Variants in ANK3 observed in about 807,000 individuals in gnomAD.
The protein encoded by ANK3 is ankyrin 3.
In ANK3, 57 loss-of-function variants were observed where a neutral mutation model predicts 370.9. The observed-to-expected ratio is 0.15, with a 90% CI of 0.12 to 0.19. The LOEUF (loss-of-function observed/expected upper bound fraction) is 0.19, where lower values mean the gene tolerates loss of function less well. Ranked by LOEUF, ANK3 falls within the 10% of genes least tolerant of loss-of-function variation. The pLI is 1.00. For synonymous variants in ANK3, 1,929 were observed against 1,946.3 expected (o/e 0.99, Z 0.23); for missense variants, 4,439 against 5,302.1 (o/e 0.84, Z 5.06).
rs1464161452 is a variant in ANK3 at position 60,072,829 on chromosome 10, G to A, written c.8052C>T (p.Asp2684=). ...CTTTGGCTTCCACTGTGGACTTGCT[G>A]TCCTCAGTCTGTTGGGAGAGAACCA... ...EKMVLSQQTE[D]SKSTVEAKGS... is the part of the protein sequence containing the mutation. Residue 2684 remains aspartate (D), a synonymous_variant, in exon 37 of 44, where the codon GAC becomes GAT. Coordinates refer to ENST00000280772, the MANE Select transcript of ANK3 (RefSeq NM_020987.5). The A allele has an allele frequency of 2.5e-6, 4 of 1,613,980 alleles. No individual in the cohort carries two copies. The highest frequency in any genetic ancestry group is 3.4e-6 in the Non-Finnish European group (4 of 1,180,004).
At chr10:60,637,954 A>G (rs2078577898) in intron 1 of ANK3, among the ~76,000 whole-genome samples, 1 of 152,156 alleles carries the variant, frequency 6.6e-6, no homozygotes, top group Admixed American at 6.6e-5. Context: ...TCATTTTGCC[A>G]CACCCTCAAT....
At chr10:60,156,589 C>T (rs2095335262) in intron 23 of ANK3, among the ~76,000 whole-genome samples, 1 of 152,186 alleles carries the variant, frequency 6.6e-6, no homozygotes, top group South Asian at 2.1e-4. Flanking sequence ...CAGAGACTGA[C>T]TTCCTTTGCC....
chr10:60,518,643 C>T (rs897222818), intron 2 of ANK3, among the ~76,000 whole-genome samples: 3 of 152,128 alleles, frequency 2.0e-5, no homozygotes, highest in Admixed American at 6.6e-5. Context: ...TTCTTTATCA[C>T]TTTCCCCTCC....
Position 60,059,345 on chromosome 10 carries a change from A to G in ANK3, c.12681T>C (p.Asp4227=), listed in dbSNP as rs990046859. ...TTTTTTTGAAACAGCCATACCTGTC[A>G]TCCAGTCGATCTAGTAACCCACCAG... ...RVTGGLLDRL[D]DSPDQCRDSI... The change falls in exon 41 of 44, where the codon GAT becomes GAC. Residue 4227 remains aspartate (D), a synonymous_variant. Transcript: ENST00000280772. 1 of 1,613,912 alleles carries G rather than the reference A, an allele frequency of 6.2e-7. No individual in the cohort carries two copies.
At chr10:60,549,723 CA>C (rs2077047945) in intron 2 of ANK3, among the ~76,000 whole-genome samples, 1 of 151,998 alleles carries the variant, frequency 6.6e-6, no homozygotes, top group Non-Finnish European at 1.5e-5. Flanking sequence ...ATATCAAATC[CA>C]AATATGAATA....
Position 60,026,353 on chromosome 10 carries a change from A to C in ANK3, c.*3493T>G, listed in dbSNP as rs533516304. The C allele has an allele frequency of 2.6e-5, 4 of 152,352 alleles. No homozygotes were observed. Among genetic ancestry groups the C allele is most frequent in the Middle Eastern group, 3.4e-3 (1 of 294 alleles). 9.4% of individuals were successfully genotyped at this position (152,352 alleles called of 1,614,324 possible). A position where few individuals can be genotyped will look rare whatever the true frequency, so the allele number is the denominator to read the frequency against. On this transcript the variant is annotated 3_prime_UTR_variant, in exon 44 of 44. Transcript: ENST00000280772. ...CTGGACAATTTGATCAATTCATGAA[A>C]CAGAAGCAGTGTGATATGCCTGGGA...
intron 2 of ANK3, among the ~76,000 whole-genome samples, chr10:60,549,184 T>G (rs2133229504): frequency 6.6e-6 from 1 of 151,526 alleles, no homozygotes; most frequent in African/African-American, 2.4e-5. Context: ...CATACCATCA[T>G]GTTGACCAGG....
chr10:60,242,951 A>C (rs2097491730), intron 7 of ANK3, among the ~76,000 whole-genome samples: 1 of 152,178 alleles, frequency 6.6e-6, no homozygotes, highest in Non-Finnish European at 1.5e-5. Flanking sequence ...CCCCAAGTTC[A>C]TATTTTTTTC....
At chr10:60,288,981 A>G (rs1473285943) in intron 1 of ANK3, among the ~76,000 whole-genome samples, 2 of 151,760 alleles carry the variant, frequency 1.3e-5, no homozygotes, top group East Asian at 3.9e-4. Flanking sequence ...GTTTTGATCA[A>G]TGCTGCTCAA....
At chr10:60,181,075 G>A (rs1453952382) in intron 18 of ANK3, among the ~76,000 whole-genome samples, 1 of 152,174 alleles carries the variant, frequency 6.6e-6, no homozygotes, top group Non-Finnish European at 1.5e-5. Flanking sequence ...TTTGTTGTAA[G>A]GAGGCTCAAC....
intron 1 of ANK3, among the ~76,000 whole-genome samples, chr10:60,301,218 T>G (rs957242624): frequency 1.1e-4 from 16 of 147,394 alleles, no homozygotes; most frequent in Non-Finnish European, 1.5e-5. Flanking sequence ...TATATATGTA[T>G]GTATGTATAT....
intron 39 of ANK3, 42 bp from the exon 40 acceptor site, chr10:60,063,296 G>A (rs755275078): frequency 6.2e-5 from 97 of 1,565,546 alleles, no homozygotes; most frequent in Non-Finnish European, 7.4e-5. Flanking sequence ...ATTAAATTAT[G>A]TTCTTTCAGT....
chr10:60,302,649 C>A (rs112834703), intron 1 of ANK3, among the ~76,000 whole-genome samples: 2,992 of 152,146 alleles, frequency 0.02, 105 homozygotes, highest in African/African-American at 0.069. Context: ...AAAGATAAGG[C>A]CACACGCTGG....
rs117488843 is a variant in ANK3, at chr10:60,305,005, T to C, written c.115-25366A>G. On this transcript the variant is annotated intron_variant, in intron 1 of 43. Coordinates refer to ENST00000280772, the MANE Select transcript of ANK3 (RefSeq NM_020987.5). Reference sequence around the variant, plus strand: ...AGTCCTCTCTGGAAAATAGCAAATCTGATCTGCCTGTGGCAGGCACAGTGG... The same window carrying C: ...AGTCCTCTCTGGAAAATAGCAAATCCGATCTGCCTGTGGCAGGCACAGTGG... 1.2e-3 allele frequency among the ~76,000 whole-genome samples: 183 copies of C among 152,294 alleles called. 4 individuals carry two copies. The East Asian group carries it at 0.033, about 28-fold the overall frequency.
chr10:60,576,024 T>C (rs1403729109), intron 2 of ANK3, among the ~76,000 whole-genome samples: 1 of 152,176 alleles, frequency 6.6e-6, no homozygotes, highest in Non-Finnish European at 1.5e-5. Context: ...TCAAAAATGT[T>C]AAATGTTAAC....
chr10:60,293,543 G>T (rs1474051989), intron 1 of ANK3, among the ~76,000 whole-genome samples: 1 of 152,090 alleles, frequency 6.6e-6, no homozygotes, highest in East Asian at 1.9e-4. Flanking sequence ...TGCTTAACTA[G>T]CTAGAGAAAG....
intron 2 of ANK3, among the ~76,000 whole-genome samples, chr10:60,590,431 T>C (rs2077893284): frequency 6.6e-6 from 1 of 152,200 alleles, no homozygotes; most frequent in Non-Finnish European, 1.5e-5. Context: ...TATGAGGCTA[T>C]TTGGGAACTA....
In ANK3 at chr10:60,649,663, G is replaced by A. The variant is rs544395417; in HGVS notation, c.58-34439C>T. ...TAAACTACAATCTACTGAGCCCTAG[G>A]AGGCCCCTGAAGGTGCCTTAGGAGA... On this transcript the variant is annotated intron_variant, in intron 1 of 43. Coordinates refer to the ANK3 transcript ENST00000373827. Among the ~76,000 whole-genome samples, 39 of 152,316 alleles carry A rather than the reference G, an allele frequency of 2.6e-4. No homozygotes were observed. The South Asian group carries it at 2.7e-3, about 11-fold the overall frequency.
intron 1 of ANK3, among the ~76,000 whole-genome samples, chr10:60,689,219 G>A (rs2079313598): frequency 6.6e-6 from 1 of 152,114 alleles, no homozygotes; most frequent in African/African-American, 2.4e-5. Context: ...TGGAAACATA[G>A]TGAGACTGTA....
Sources: allele counts gnomAD v4.1 joint callset (sites outside exome capture counted in the v4.1 genomes callset), GRCh38; gene constraint gnomAD v4.1.1; transcripts MANE v1.5; gene names NCBI Gene and HGNC (gene_info 2026-07-23, HGNC 2026-07-21).